MUC7: variants seen among roughly 807,000 people sequenced by gnomAD.
The protein encoded by MUC7 is mucin-7.
Under a neutral mutation model 2.5 loss-of-function variants are expected in MUC7, and 2 were observed. The observed-to-expected ratio is 0.81, with a 90% CI of 0.33 to 2.55. MUC7 has a LOEUF of 2.55. MUC7 is among the 30% of genes most tolerant of loss of function. MUC7 has a pLI of 0.11. For synonymous variants in MUC7, 133 were observed against 173.4 expected, an observed-to-expected ratio of 0.77 and a Z score of 1.83; for missense variants, 408 against 455.6, an observed-to-expected ratio of 0.90 and a Z score of 0.95.
At chr4:70,469,804 T>C (rs1734784737), upstream of MUC7, among the ~76,000 whole-genome samples, 1 of 152,218 alleles carries the variant, frequency 6.6e-6, no homozygotes, top group Non-Finnish European at 1.5e-5. Context: ...TTTTATGCTG[T>C]TTCTGGGACT....
intron 1 of MUC7, among the ~76,000 whole-genome samples, chr4:70,456,607 A>G (rs1734421726): frequency 6.6e-6 from 1 of 152,132 alleles, no homozygotes; most frequent in Admixed American, 6.6e-5. Context: ...TCTTGTGAGA[A>G]CTCACTCACT....
chr4:70,451,549 T>A (rs1734281386), intron 1 of MUC7, among the ~76,000 whole-genome samples: 3 of 152,200 alleles, frequency 2.0e-5, no homozygotes, highest in Admixed American at 2.0e-4. Context: ...TTTGTTTAAT[T>A]TCCATGTGTT....
At chr4:70,441,398 C>G (rs1396653457) in intron 1 of MUC7, among the ~76,000 whole-genome samples, 1 of 152,128 alleles carries the variant, frequency 6.6e-6, no homozygotes, top group Non-Finnish European at 1.5e-5. Context: ...ATCGGAAATA[C>G]TTATAACTCA....
intron 1 of MUC7, among the ~76,000 whole-genome samples, chr4:70,433,111 C>A (rs542687352): frequency 6.6e-6 from 1 of 152,112 alleles, no homozygotes; most frequent in African/African-American, 2.4e-5. Flanking sequence ...GTACCAGTAC[C>A]ATGCTGTTTT....
intron 1 of MUC7, among the ~76,000 whole-genome samples, chr4:70,441,232 C>T (rs1334836907): frequency 1.3e-5 from 2 of 152,120 alleles, no homozygotes; most frequent in East Asian, 3.9e-4. Context: ...TAAATGTAGT[C>T]AACATTCTTG....
intron 2 of MUC7, among the ~76,000 whole-genome samples, chr4:70,477,479 C>T (rs1735037156): frequency 6.6e-6 from 1 of 152,098 alleles, no homozygotes; most frequent in African/African-American, 2.4e-5. Flanking sequence ...GACTAATTTT[C>T]TCCTCCTCTT....
rs138300682 is a variant in MUC7, at chr4:70,448,300, C to T, written c.-93+17613C>T. On this transcript the variant is annotated intron_variant, in intron 1 of 3. Coordinates refer to the MUC7 transcript ENST00000413702. The stretch of plus-strand genomic sequence containing the variant: ...TAATTACCTTTCTTTTGGGTATACA[C>T]CTAGCAGTGGAATTGCTAGATCGTA... Among the ~76,000 whole-genome samples the T allele has an allele frequency of 4.6e-3, 697 of 152,254 alleles. 7 individuals are homozygous for T. Among genetic ancestry groups the T allele is most frequent in the African/African-American group, 0.016 (669 of 41,548 alleles).
intron 1 of MUC7, 83 bp from the exon 2 acceptor site, chr4:70,473,923 TA>T: frequency 1.0e-6 from 1 of 996,038 alleles, no homozygotes; most frequent in Non-Finnish European, 1.5e-6. Context: ...CTGTACTTTC[TA>T]ATAAAAATAA....
At chr4:70,437,583 C>T (rs958758187) in intron 1 of MUC7, among the ~76,000 whole-genome samples, 1 of 152,176 alleles carries the variant, frequency 6.6e-6, no homozygotes, top group African/African-American at 2.4e-5. Flanking sequence ...GGTAAAAGTG[C>T]AGTATTTGTG....
At chr4:70,461,574 T>A (rs944421271) in intron 1 of MUC7, among the ~76,000 whole-genome samples, 2 of 152,194 alleles carry the variant, frequency 1.3e-5, no homozygotes, top group African/African-American at 4.8e-5. Context: ...AATGCCTTCT[T>A]ATTCTGTGTC....
At position 70,474,036 on chromosome 4, in the gene MUC7, G is replaced by A. The variant is rs765330448; in HGVS notation, c.15G>A (p.Pro5=). 4.4e-5 allele frequency: 71 copies of A among 1,612,114 alleles called. No homozygotes were observed. The highest frequency in any genetic ancestry group is 8.9e-5 in the East Asian group (4 of 44,830). ...CATCAGAAAGAATGAAAACTCTGCC[G>A]CTGTTTGTGTGCATCTGTGCACTGA... is the stretch of plus-strand genomic sequence containing the variant. The part of the protein sequence containing the change: MKTL[P]LFVCICALSA... Residue 5 remains proline (P), a synonymous_variant, in exon 2 of 3, where the codon CCG becomes CCA. Coordinates refer to ENST00000304887, the MANE Select transcript of MUC7 (RefSeq NM_152291.3).
At chr4:70,445,294 C>T (rs997467428) in intron 1 of MUC7, among the ~76,000 whole-genome samples, 1 of 152,144 alleles carries the variant, frequency 6.6e-6, no homozygotes, top group Non-Finnish European at 1.5e-5. Context: ...TTCCTTGAAA[C>T]CACAACTCCA....
At chr4:70,475,109 T>C (rs1362256896) in intron 2 of MUC7, among the ~76,000 whole-genome samples, 1 of 151,982 alleles carries the variant, frequency 6.6e-6, no homozygotes, top group African/African-American at 2.4e-5. Context: ...TGAAACCCCG[T>C]CTCTATTAAA....
chr4:70,456,311 T>C (rs17148955), intron 1 of MUC7, among the ~76,000 whole-genome samples: 13,823 of 152,228 alleles, frequency 0.091, 799 homozygotes, highest in East Asian at 0.21. Context: ...CAATGAGGAA[T>C]TGAACTGATA....
intron 1 of MUC7, among the ~76,000 whole-genome samples, chr4:70,446,987 C>T (rs1734156160): frequency 7.7e-6 from 1 of 130,628 alleles, no homozygotes; most frequent in Admixed American, 9.4e-5. Context: ...TAACATTTTA[C>T]AAGAAATGCA....
At chr4:70,443,523 C>A (rs1228091655) in intron 1 of MUC7, among the ~76,000 whole-genome samples, 2 of 152,104 alleles carry the variant, frequency 1.3e-5, no homozygotes, top group African/African-American at 4.8e-5. Flanking sequence ...CCATATCAAC[C>A]TAAACCTGTT....
At chr4:70,477,011 A>G (rs189257307) in intron 2 of MUC7, among the ~76,000 whole-genome samples, 1 of 152,240 alleles carries the variant, frequency 6.6e-6, no homozygotes, top group African/African-American at 2.4e-5. Flanking sequence ...ATTATTTAGC[A>G]TAATGCTTTC....
upstream of MUC7, among the ~76,000 whole-genome samples, chr4:70,471,589 A>G (rs1734836305): frequency 2.6e-5 from 4 of 152,228 alleles, no homozygotes. Context: ...GCAAAATGTT[A>G]AGAATTATGA....
chr4:70,436,830 T>C (rs1044496836), intron 1 of MUC7, among the ~76,000 whole-genome samples: 9 of 152,176 alleles, frequency 5.9e-5, no homozygotes, highest in African/African-American at 1.7e-4. Context: ...CCCATCTTTA[T>C]GGTTTTATCT....
Sources: gnomAD v4.1 joint callset for allele counts (sites outside exome capture counted in the v4.1 genomes callset) on GRCh38, gnomAD v4.1.1 for gene constraint, MANE v1.5 for transcripts, NCBI Gene and HGNC (gene_info 2026-07-23, HGNC 2026-07-21) for gene names.